Variants in CRNKL1 observed in about 807,000 individuals in gnomAD.
CRNKL1 encodes crooked neck-like protein 1.
CRNKL1 carries 35 observed loss-of-function variants against 103.7 expected under a neutral mutation model. The observed-to-expected ratio is 0.34, with a 90% CI of 0.26 to 0.45. The LOEUF is 0.45. CRNKL1 is among the 20% of genes least tolerant of loss of function. The probability of loss-of-function intolerance (pLI) is 1.00; values close to 1 mark genes in which losing one functional copy is unlikely to be tolerated. For synonymous variants in CRNKL1, 267 were observed against 282.6 expected (o/e 0.94, Z 0.55); for missense variants, 645 against 836.0 (o/e 0.77, Z 2.82).
chr20:20,037,261 G>A (rs2043434607), intron 13 of CRNKL1, 62 bp downstream of exon 13: 15 of 1,553,808 alleles, frequency 9.7e-6, no homozygotes, highest in South Asian at 4.8e-5. Flanking sequence ...TCCACATTTC[G>A]ACGTCAGAAG....
At chr20:20,050,701 G>C (rs1600256023) in intron 1 of CRNKL1, 79 bp from the exon 2 acceptor site, 1 of 1,330,636 alleles carries the variant, frequency 7.5e-7, no homozygotes, top group Non-Finnish European at 1.0e-6. Context: ...CATTTTTTAG[G>C]ATATGAACTT....
At position 20,047,947 on chromosome 20, in the gene CRNKL1, C is replaced by T. The variant is rs750751877; in HGVS notation, c.456-16G>A. On this transcript the variant is annotated splice_polypyrimidine_tract_variant and intron_variant, in intron 4 of 13. Coordinates refer to ENST00000536226, the MANE Select transcript of CRNKL1 (RefSeq NM_001278628.2). ...GTACTTGTACCTGTAACAAAATCAC[C>T]CGAAAATATCTGCTGTGGTTTAGTT... 1.9e-6 allele frequency: 3 copies of T among 1,606,562 alleles called. No individual in the cohort carries two copies. The highest frequency in any genetic ancestry group is 1.7e-5 in the Admixed American group (1 of 59,712).
At chr20:20,055,514 C>T (rs1462856809), upstream of CRNKL1, among the ~76,000 whole-genome samples, 1 of 152,192 alleles carries the variant, frequency 6.6e-6, no homozygotes, top group Admixed American at 6.5e-5. Flanking sequence ...TCCATTCTAT[C>T]CCCAAAACCT....
chr20:20,042,393 TCTC>T lies in CRNKL1; in HGVS notation c.1093_1095del (p.Glu365del). ...TAAATGTAGCGCTTCCAGTGCCTCT[TCTC>T]CTGAATGGGTGGGACATTGGCAATG... On this transcript the variant is annotated inframe_deletion, in exon 8 of 14. Transcript: ENST00000536226. 1.2e-6 allele frequency: 2 copies of T among 1,614,172 alleles called. No homozygotes were observed. The highest frequency in any genetic ancestry group is 1.7e-6 in the Non-Finnish European group (2 of 1,180,022).
chr20:20,053,282 T>A (rs2043916005), upstream of CRNKL1, among the ~76,000 whole-genome samples: 1 of 152,206 alleles, frequency 6.6e-6, no homozygotes, highest in African/African-American at 2.4e-5. Context: ...ACAACAAAAT[T>A]AAGTGGAAGA....
At chr20:20,043,746 T>C in intron 6 of CRNKL1, 84 bp from the exon 7 acceptor site, 1 of 1,299,446 alleles carries the variant, frequency 7.7e-7, no homozygotes, top group Non-Finnish European at 1.1e-6. Context: ...AACAAAATAT[T>C]ACTTATAAGT....
Position 20,048,336 on chromosome 20 carries a change from A to G in CRNKL1, c.455+7T>C. 6.2e-7 allele frequency: 1 copy of G among 1,614,022 alleles called. No individual in the cohort carries two copies. Among genetic ancestry groups the G allele is most frequent in the Non-Finnish European group, 8.5e-7 (1 of 1,179,892 alleles). On this transcript the variant is annotated splice_region_variant and intron_variant, in intron 4 of 13. Transcript: ENST00000536226. ...TAAAAGGCTGTTTTGTTAGATCAGA[A>G]ACTTACCAGAACTGATTAACTCGAG...
chr20:20,035,173 G>C lies in CRNKL1; in HGVS notation c.*1022C>G, dbSNP rs1056700742. 4.6e-5 allele frequency: 7 copies of C among 152,198 alleles called. No homozygotes were observed. The highest frequency in any genetic ancestry group is 4.6e-4 in the Admixed American group (7 of 15,280). The allele number at this position is 152,198 out of a possible 1,614,324, so 9.4% of individuals were successfully genotyped here. A position where few individuals can be genotyped will look rare whatever the true frequency, so the allele number is the denominator to read the frequency against. On this transcript the variant is annotated 3_prime_UTR_variant, in exon 14 of 14. Transcript: ENST00000536226. ...TTTAACATGTCAGCAGTGAGGAGTA[G>C]ACATTTTCTACTATAGCACACTGGG...
At position 20,035,283 on chromosome 20, in the gene CRNKL1, A is replaced by AGAT. The variant is rs924792486; in HGVS notation, c.*909_*911dup. 3 of 152,212 alleles carry AGAT rather than the reference A, an allele frequency of 2.0e-5. No individual in the cohort carries two copies. The highest frequency in any genetic ancestry group is 7.2e-5 in the African/African-American group (3 of 41,454). 9.4% of individuals were successfully genotyped at this position (152,212 alleles called of 1,614,324 possible). A position where few individuals can be genotyped will look rare whatever the true frequency, so the allele number is the denominator to read the frequency against. On this transcript the variant is annotated 3_prime_UTR_variant, in exon 14 of 14. Transcript: ENST00000536226. ...AATAATATGGCAACATTGCTACTGG[A>AGAT]GATACATAATGTACAGAAGCCTAAC...
chr20:20,038,692 G>A (rs2043462686), intron 11 of CRNKL1: 1 of 362,204 alleles, frequency 2.8e-6, no homozygotes, highest in African/African-American at 2.1e-5. Context: ...CTCTTTGGAA[G>A]TTTTTCAAAT....
chr20:20,037,292 G>A lies in CRNKL1; in HGVS notation c.1896+31C>T, dbSNP rs372406813. On this transcript the variant is annotated intron_variant, in intron 13 of 13. Coordinates refer to ENST00000536226, the MANE Select transcript of CRNKL1 (RefSeq NM_001278628.2). ...AGAAGTGTTTCTACTCATGTGACGT[G>A]AGATGAACAGTCCCAGGGCAGAGTT... 10 of 1,601,954 alleles carry A rather than the reference G, an allele frequency of 6.2e-6. No homozygotes were observed. The Admixed American group carries it at 6.9e-5, about 11-fold the overall frequency.
chr20:20,042,175 G>T, intron 8 of CRNKL1, 150 bp downstream of exon 8: 1 of 617,660 alleles, frequency 1.6e-6, no homozygotes, highest in Non-Finnish European at 2.5e-6. Flanking sequence ...GTTGCAGAGC[G>T]AATATATAAC....
chr20:20,042,771 C>T (rs6046566), intron 7 of CRNKL1, among the ~76,000 whole-genome samples: 12 of 152,188 alleles, frequency 7.9e-5, no homozygotes, highest in Admixed American at 3.3e-4. Context: ...ATCACTCTCA[C>T]GACAGTCAAT....
At chr20:20,036,410 C>T in intron 13 of CRNKL1, 48 bp from the exon 14 acceptor site, 2 of 1,568,478 alleles carry the variant, frequency 1.3e-6, no homozygotes. Context: ...GTGATATACT[C>T]ACATATCAGA....
intron 3 of CRNKL1, among the ~76,000 whole-genome samples, chr20:20,049,126 T>C (rs1171915372): frequency 2.6e-5 from 4 of 152,128 alleles, no homozygotes; most frequent in African/African-American, 7.2e-5. Context: ...ACAAGATCTA[T>C]CTCTAAAGCC....
rs1027689653 is a variant in CRNKL1, at chr20:20,050,598, C to A, written c.76G>T (p.Val26Leu). Residue 26 changes from valine (V) to leucine (L), a missense_variant, in exon 2 of 14, where the codon GTA (valine) becomes TTA (leucine). Physicochemically the swap from Val to Leu is conservative, Grantham distance 32. Transcript: ENST00000536226. ...AKVKNKAPAEVQITAEQLLRE... is the reference protein window; with the variant it reads ...AKVKNKAPAELQITAEQLLRE... Reference sequence around the variant, plus strand: ...AAGAGTTGTTCAGCAGTTATCTGTACCTCAGCCGGGGCTTTGTTTTTCACC... The same window carrying A: ...AAGAGTTGTTCAGCAGTTATCTGTAACTCAGCCGGGGCTTTGTTTTTCACC... 6.2e-7 allele frequency: 1 copy of A among 1,609,194 alleles called. No homozygotes were observed. Among genetic ancestry groups the A allele is most frequent in the Non-Finnish European group, 8.5e-7 (1 of 1,178,604 alleles).
Position 20,049,443 on chromosome 20 carries a change from CA to C in CRNKL1, c.205-13del. The C allele has an allele frequency of 1.4e-6, 2 of 1,393,950 alleles. No individual in the cohort carries two copies. Among genetic ancestry groups the C allele is most frequent in the Non-Finnish European group, 1.0e-6 (1 of 993,404 alleles). 86.3% of individuals were successfully genotyped at this position (1,393,950 alleles called of 1,614,324 possible). On this transcript the variant is annotated splice_polypyrimidine_tract_variant and intron_variant, in intron 2 of 13. Transcript: ENST00000536226. ...TTATCTTCAAAAGTCTGGAAGAAGG[CA>C]AAAAGGGTCAAGTCAAAAGACAAAT...
At chr20:20,038,257 A>C in intron 12 of CRNKL1, 92 bp downstream of exon 12, 1 of 802,350 alleles carries the variant, frequency 1.2e-6, no homozygotes, top group East Asian at 2.7e-5. Context: ...AAAAAAAACA[A>C]AAACCCAAAC....
At position 20,035,956 on chromosome 20, in the gene CRNKL1, C is replaced by T; in HGVS notation, c.*239G>A. The T allele has an allele frequency of 2.2e-6, 1 of 456,924 alleles. No homozygotes were observed. The highest frequency in any genetic ancestry group is 3.9e-6 in the Non-Finnish European group (1 of 257,634). The allele number at this position is 456,924 out of a possible 1,614,324, so 28.3% of individuals were successfully genotyped here. On this transcript the variant is annotated 3_prime_UTR_variant, in exon 14 of 14. Coordinates refer to ENST00000536226, the MANE Select transcript of CRNKL1 (RefSeq NM_001278628.2). ...TACATTTCCTAATGCATGATGTGGA[C>T]AGACATTAGAAAAGTTTGGACTCAG...
Sources: allele counts gnomAD v4.1 joint callset (sites outside exome capture counted in the v4.1 genomes callset), GRCh38; gene constraint gnomAD v4.1.1; transcripts MANE v1.5; gene names NCBI Gene and HGNC (gene_info 2026-07-23, HGNC 2026-07-21).